WDR86: variants seen among roughly 807,000 people sequenced by gnomAD.
WDR86 encodes WD repeat domain 86, also known as WD repeat-containing protein 86.
In WDR86, 30 loss-of-function variants were observed where a neutral mutation model predicts 36.5. The observed-to-expected ratio is 0.82, with a 90% CI of 0.61 to 1.11. The LOEUF is 1.11. Among genes scored for constraint, WDR86 ranks in the 50% most tolerant of loss-of-function variants. WDR86 has a pLI of 0.00. For synonymous variants in WDR86, 255 were observed against 252.9 expected, an observed-to-expected ratio of 1.01 and a Z score of -0.08; for missense variants, 545 against 561.2, an observed-to-expected ratio of 0.97 and a Z score of 0.29.
At chr7:151,383,737 C>G (rs748716698) in intron 4 of WDR86, among the ~76,000 whole-genome samples, 3 of 152,220 alleles carry the variant, frequency 2.0e-5, no homozygotes, top group Non-Finnish European at 4.4e-5. Flanking sequence ...TGGACATGGC[C>G]TGGAAAACCC....
downstream of WDR86, among the ~76,000 whole-genome samples, chr7:151,372,962 A>T (rs1400122843): frequency 6.6e-6 from 1 of 152,170 alleles, no homozygotes; most frequent in Admixed American, 6.5e-5. Context: ...AGATGTCTTC[A>T]TCCCTGGAGA....
chr7:151,399,997 G>C, intron 2 of WDR86, 103 bp downstream of exon 2: 1 of 1,189,172 alleles, frequency 8.4e-7, no homozygotes, highest in Non-Finnish European at 1.1e-6. Flanking sequence ...CTTCCCCAGA[G>C]AGCCAAGGGC....
intron 1 of WDR86, among the ~76,000 whole-genome samples, chr7:151,402,775 T>G (rs112985489): frequency 2.0e-5 from 3 of 152,270 alleles, no homozygotes; most frequent in African/African-American, 7.2e-5. Context: ...TGGGACTCTA[T>G]CTCATGGGTG....
At chr7:151,394,281 C>A (rs974485200) in intron 3 of WDR86, among the ~76,000 whole-genome samples, 2 of 152,190 alleles carry the variant, frequency 1.3e-5, no homozygotes, top group African/African-American at 4.8e-5. Flanking sequence ...TCCCTCCACG[C>A]GAATGTGAGC....
At chr7:151,392,990 G>A (rs1054138418) in intron 3 of WDR86, among the ~76,000 whole-genome samples, 4 of 152,168 alleles carry the variant, frequency 2.6e-5, no homozygotes, top group Non-Finnish European at 5.9e-5. Context: ...GTCCCTGGCT[G>A]TTCCCATGGG....
rs1465616382 is a variant in WDR86 at position 151,381,284 on chromosome 7, GC to G, written c.*297del. ...GGGGAGCTGGGGCAGTCCGCCTGCA[GC>G]CCCTGAGGTGGGAGGGTCCCCAGGA... On this transcript the variant is annotated 3_prime_UTR_variant, in exon 6 of 6. Transcript: ENST00000334493. This position sits in a 1 kb window ranked among gnomAD's most constrained non-coding sequence, Gnocchi z 4.8. The G allele has an allele frequency of 7.6e-7, 1 of 1,313,506 alleles. No homozygotes were observed. Among genetic ancestry groups the G allele is most frequent in the Non-Finnish European group, 9.7e-7 (1 of 1,035,698 alleles). The allele number at this position is 1,313,506 out of a possible 1,614,324, so 81.4% of individuals were successfully genotyped here.
intron 3 of WDR86, 169 bp from the exon 4 acceptor site, chr7:151,385,392 A>C: frequency 8.1e-7 from 1 of 1,240,824 alleles, no homozygotes; most frequent in Non-Finnish European, 1.1e-6. Flanking sequence ...TCAGCACCCA[A>C]AAGCAGGCGG....
chr7:151,408,814 G>A, intron 1 of WDR86: 1 of 444,676 alleles, frequency 2.2e-6, no homozygotes, highest in Non-Finnish European at 4.7e-6. Flanking sequence ...AGGCATGCAG[G>A]CAGGGTTTAC....
chr7:151,386,848 G>A (rs1306378147), intron 3 of WDR86, among the ~76,000 whole-genome samples: 1 of 152,148 alleles, frequency 6.6e-6, no homozygotes, highest in Admixed American at 6.5e-5. Flanking sequence ...TGTCCACACT[G>A]CTGCCCCAGG....
chr7:151,395,260 C>T (rs941077228), intron 3 of WDR86, among the ~76,000 whole-genome samples: 2 of 152,232 alleles, frequency 1.3e-5, no homozygotes, highest in South Asian at 2.1e-4. Context: ...CCGCTCCAGG[C>T]GCCCTGCAGG....
downstream of WDR86, chr7:151,377,069 C>A: frequency 1.3e-6 from 2 of 1,565,526 alleles, no homozygotes; most frequent in East Asian, 2.3e-5. Context: ...CCTCAACAGA[C>A]GAAGACATGG....
Position 151,382,006 on chromosome 7 carries a change from G to A in WDR86, c.863-25C>T, listed in dbSNP as rs772152634. 3.8e-6 allele frequency: 6 copies of A among 1,571,188 alleles called. No homozygotes were observed. In the Admixed American group the frequency reaches 7.4e-5, roughly 19 times the overall value. On this transcript the variant is annotated intron_variant, in intron 4 of 5. Transcript: ENST00000334493. ...ACTGCGGACACACAGCGCGCGCTGG[G>A]CCTCCCTCCCTGCTCGGCCCCCCGC... is the stretch of plus-strand genomic sequence containing the variant.
At chr7:151,369,977 CT>C in the WDR86 span, among the ~76,000 whole-genome samples, 1 of 152,184 alleles carries the variant, frequency 6.6e-6, no homozygotes, top group African/African-American at 2.4e-5. Flanking sequence ...AGGGTTTCTC[CT>C]TTTACAACAC....
chr7:151,392,877 T>A (rs1799533930), intron 3 of WDR86, among the ~76,000 whole-genome samples: 1 of 152,158 alleles, frequency 6.6e-6, no homozygotes, highest in South Asian at 2.1e-4. Context: ...TCAGCCCTCA[T>A]GGCAGCCCTG....
At chr7:151,387,548 G>A (rs1799078360) in intron 3 of WDR86, among the ~76,000 whole-genome samples, 1 of 152,116 alleles carries the variant, frequency 6.6e-6, no homozygotes, top group African/African-American at 2.4e-5. Context: ...TGATCCTGAG[G>A]GCTCCTCGCA....
chr7:151,398,159 AAT>A (rs1800005778), intron 2 of WDR86, among the ~76,000 whole-genome samples: 2 of 152,120 alleles, frequency 1.3e-5, no homozygotes, highest in African/African-American at 2.4e-5. Context: ...TTGTGTGCAC[AAT>A]GTGTGCCTGC....
At position 151,383,672 on chromosome 7, in the gene WDR86, A is replaced by G. The variant is rs78781257; in HGVS notation, c.862+1416T>C. 9.5e-3 allele frequency among the ~76,000 whole-genome samples: 1,451 copies of G among 152,264 alleles called. 27 individuals are homozygous for G. Among genetic ancestry groups the G allele is most frequent in the African/African-American group, 0.033 (1,378 of 41,530 alleles). On this transcript the variant is annotated intron_variant, in intron 4 of 5. Coordinates refer to ENST00000334493, the MANE Select transcript of WDR86 (RefSeq NM_198285.3). The stretch of plus-strand genomic sequence containing the variant: ...TGAATGGCCCCAGAGGGGAAGTTTC[A>G]TTTCTGGGTCTCTTTTCAGCCCCTT...
downstream of WDR86, among the ~76,000 whole-genome samples, chr7:151,373,816 T>C (rs2150719345): frequency 6.6e-6 from 1 of 152,346 alleles, no homozygotes; most frequent in South Asian, 2.1e-4. Flanking sequence ...CCCATCCTGA[T>C]GCCGGATGGT....
chr7:151,388,091 C>A lies in WDR86; in HGVS notation c.727-2868G>T, dbSNP rs1333169443. On this transcript the variant is annotated intron_variant, in intron 3 of 5. Transcript: ENST00000334493. The surrounding 1 kb of genome is among the most constrained non-coding windows in gnomAD (Gnocchi z 4.2). ...CGGCTCCTCAGGGTTGGGTGAGACT[C>A]ATGAACTGGTACGACAGGGCTTTTG... Among the ~76,000 whole-genome samples, 1 of 152,226 alleles carries A rather than the reference C, an allele frequency of 6.6e-6. No homozygotes were observed. The highest frequency in any genetic ancestry group is 1.5e-5 in the Non-Finnish European group (1 of 68,046).
Sources: allele counts gnomAD v4.1 joint callset (sites outside exome capture counted in the v4.1 genomes callset), GRCh38; gene constraint gnomAD v4.1.1; non-coding constraint Gnocchi (gnomAD v3.1); transcripts MANE v1.5; gene names NCBI Gene and HGNC (gene_info 2026-07-23, HGNC 2026-07-21).